The following UBXN2B variants were observed in gnomAD, a reference collection of about 807,000 sequenced individuals.
UBXN2B encodes UBX domain protein 2B.
In UBXN2B, 19 loss-of-function variants were observed where a neutral mutation model predicts 37.5. The ratio of observed to expected loss-of-function variants is 0.51; its 90% CI spans 0.35 to 0.74. The LOEUF (loss-of-function observed/expected upper bound fraction) is 0.74. Among genes scored for constraint, UBXN2B ranks in the 30% least tolerant of loss-of-function variants. The pLI is 0.01. For synonymous variants in UBXN2B, 145 were observed against 143.8 expected (o/e 1.01, Z -0.06); for missense variants, 370 against 393.2 (o/e 0.94, Z 0.50).
chr8:58,431,598 G>C (rs1399217141), intron 3 of UBXN2B, among the ~76,000 whole-genome samples: 1 of 152,152 alleles, frequency 6.6e-6, no homozygotes, highest in Non-Finnish European at 1.5e-5. Context: ...AGTGCAATTG[G>C]TAGATCATAC....
intron 2 of UBXN2B, among the ~76,000 whole-genome samples, chr8:58,429,436 T>C (rs2129604133): frequency 6.6e-6 from 1 of 152,326 alleles, no homozygotes; most frequent in Admixed American, 6.5e-5. Context: ...GCTCCTGCTC[T>C]AGATAAATTT....
rs772815537 is a variant in UBXN2B, at chr8:58,421,971, G to A, written c.188+5018G>A. ...AGCAACGGGCAGAGATGTTAATACC[G>A]GAGATATATTTGTACAATCAAACTC... On this transcript the variant is annotated intron_variant, in intron 2 of 7. Transcript: ENST00000399598. 9.2e-5 allele frequency among the ~76,000 whole-genome samples: 14 copies of A among 152,196 alleles called. No individual in the cohort carries two copies. In the East Asian group the frequency reaches 1.2e-3, roughly 13 times the overall value.
chr8:58,414,183 T>C (rs1197732741), intron 1 of UBXN2B, among the ~76,000 whole-genome samples: 2 of 152,248 alleles, frequency 1.3e-5, no homozygotes, highest in Non-Finnish European at 2.9e-5. Flanking sequence ...TCATATTGAA[T>C]GTCATTATTC....
At position 58,448,426 on chromosome 8, in the gene UBXN2B, A is replaced by C. The variant is rs1016723112; in HGVS notation, c.*875A>C. ...GAACCTCAGGTGATCCACCCACCTC[A>C]GCCTCCCAAAGTGCTGGGATTACAG... On this transcript the variant is annotated 3_prime_UTR_variant, in exon 8 of 8. Transcript: ENST00000399598. 6.6e-6 allele frequency: 1 copy of C among 152,172 alleles called. No homozygotes were observed. Among genetic ancestry groups the C allele is most frequent in the African/African-American group, 2.4e-5 (1 of 41,422 alleles). 9.4% of individuals were successfully genotyped at this position (152,172 alleles called of 1,614,324 possible). A position where few individuals can be genotyped will look rare whatever the true frequency, so the allele number is the denominator to read the frequency against.
intron 2 of UBXN2B, chr8:58,425,874 A>G: frequency 8.6e-7 from 1 of 1,159,004 alleles, no homozygotes; most frequent in Non-Finnish European, 1.3e-6. Flanking sequence ...GCCACTTTAG[A>G]CTTGCCGTTA....
intron 6 of UBXN2B, among the ~76,000 whole-genome samples, chr8:58,445,646 G>A (rs575927638): frequency 1.3e-5 from 2 of 152,216 alleles, no homozygotes; most frequent in Admixed American, 6.5e-5. Flanking sequence ...AGAGTTGCTC[G>A]TATTTCTAAA....
intron 2 of UBXN2B, among the ~76,000 whole-genome samples, chr8:58,421,528 T>TA (rs1314444026): frequency 6.6e-6 from 1 of 152,138 alleles, no homozygotes; most frequent in Non-Finnish European, 1.5e-5. Flanking sequence ...AGTAGACAAA[T>TA]ACCATGTATT....
chr8:58,430,717 C>A (rs1808250362), intron 3 of UBXN2B, 48 bp downstream of exon 3: 1 of 1,305,890 alleles, frequency 7.7e-7, no homozygotes, highest in Non-Finnish European at 9.9e-7. Context: ...TATTTTACCT[C>A]CTCTTTCATT....
At chr8:58,445,324 A>G (rs984588050) in intron 6 of UBXN2B, among the ~76,000 whole-genome samples, 8 of 152,176 alleles carry the variant, frequency 5.3e-5, no homozygotes, top group African/African-American at 1.9e-4. Context: ...CTTAGAAGTT[A>G]TTTCTCTTTT....
intron 2 of UBXN2B, chr8:58,424,763 T>G (rs950018166): frequency 1.4e-6 from 2 of 1,428,522 alleles, no homozygotes; most frequent in African/African-American, 1.4e-5. Context: ...TGACCTTTCC[T>G]CTTGCTTTTC....
In UBXN2B at chr8:58,430,658, G is replaced by A; in HGVS notation, c.328G>A (p.Asp110Asn). The A allele has an allele frequency of 6.4e-7, 1 of 1,564,812 alleles. No individual in the cohort carries two copies. The highest frequency in any genetic ancestry group is 1.4e-5 in the African/African-American group (1 of 73,386). ...LNEATRASGD[D>N]KSKSFTGGGY... ...TGAAGCCACAAGAGCTTCAGGTGAT[G>A]ATAAATCTAAGGTCAGTGCTCAATT... The change falls in exon 3 of 8, where the codon GAT becomes AAT. Residue 110 changes from aspartate to asparagine, a missense_variant. By Grantham distance (23) the Asp-to-Asn change is conservative. Transcript: ENST00000399598.
Position 58,448,156 on chromosome 8 carries a change from C to T in UBXN2B, c.*605C>T, listed in dbSNP as rs1469244718. ...ACTGTTGTGAACTTAAACAGAAACA[C>T]ATAAAGGTCAGCAATTCTTTTTTTT... On this transcript the variant is annotated 3_prime_UTR_variant, in exon 8 of 8. Coordinates refer to ENST00000399598, the MANE Select transcript of UBXN2B (RefSeq NM_001077619.2). The T allele has an allele frequency of 1.3e-5, 2 of 150,876 alleles. No homozygotes were observed. The highest frequency in any genetic ancestry group is 2.9e-5 in the Non-Finnish European group (2 of 67,846). The allele number at this position is 150,876 out of a possible 1,614,324, so 9.3% of individuals were successfully genotyped here. A position where few individuals can be genotyped will look rare whatever the true frequency, so the allele number is the denominator to read the frequency against.
intron 5 of UBXN2B, among the ~76,000 whole-genome samples, chr8:58,437,911 G>A (rs1808454576): frequency 6.6e-6 from 1 of 151,806 alleles, no homozygotes; most frequent in Non-Finnish European, 1.5e-5. Flanking sequence ...AAGATGATGG[G>A]AAGAAAGCCT....
intron 2 of UBXN2B, among the ~76,000 whole-genome samples, chr8:58,422,764 C>T (rs778056866): frequency 9.2e-5 from 14 of 152,186 alleles, no homozygotes; most frequent in Non-Finnish European, 7.3e-5. Flanking sequence ...TCAGTTTCCC[C>T]AAGTGCTGGT....
intron 2 of UBXN2B, chr8:58,426,202 CTTTTTTT>C (rs34005463): frequency 8.7e-5 from 28 of 321,186 alleles, no homozygotes; most frequent in East Asian, 2.6e-4. Flanking sequence ...TGTTCTGAAT[CTTTTTTT>C]TTTTTTTTTT....
intron 2 of UBXN2B, among the ~76,000 whole-genome samples, chr8:58,422,712 T>C (rs1213994520): frequency 1.3e-5 from 2 of 152,200 alleles, no homozygotes; most frequent in Non-Finnish European, 2.9e-5. Context: ...TGGTGCTGCT[T>C]TCAAAAGCCC....
intron 2 of UBXN2B, chr8:58,426,578 A>C: frequency 1.3e-6 from 1 of 753,194 alleles, no homozygotes; most frequent in Non-Finnish European, 2.5e-6. Context: ...CTCCAGGGTT[A>C]CTTTTACTAG....
intron 5 of UBXN2B, 138 bp downstream of exon 5, chr8:58,434,642 A>T: frequency 1.1e-6 from 1 of 945,066 alleles, no homozygotes. Context: ...CTGGGGGTGT[A>T]GGTATTCTTA....
In UBXN2B at chr8:58,430,515, A is replaced by G; in HGVS notation, c.189-4A>G. ...TTTTTATTCATGAACTAAAATGTTT[A>G]AAGGTTTTACTCAAGTGAACATGAA... On this transcript the variant is annotated splice_region_variant and splice_polypyrimidine_tract_variant and intron_variant, in intron 2 of 7. Transcript: ENST00000399598. The G allele has an allele frequency of 6.5e-7, 1 of 1,535,086 alleles. No individual in the cohort carries two copies. Among genetic ancestry groups the G allele is most frequent in the East Asian group, 2.4e-5 (1 of 41,438 alleles).
Sources: allele counts gnomAD v4.1 joint callset (sites outside exome capture counted in the v4.1 genomes callset), GRCh38; gene constraint gnomAD v4.1.1; transcripts MANE v1.5; gene names NCBI Gene and HGNC (gene_info 2026-07-23, HGNC 2026-07-21).